ESR2: variants seen among roughly 807,000 people sequenced by gnomAD.
ESR2 encodes estrogen receptor 2.
A neutral mutation model predicts 49.6 loss-of-function variants in ESR2; 36 were observed. The ratio of observed to expected loss-of-function variants is 0.73; its 90% confidence interval spans 0.56 to 0.96. ESR2 has a LOEUF of 0.96. ESR2 is among the 40% of genes least tolerant of loss of function. The pLI is 0.00. For missense variants in ESR2, 714 were observed against 693.0 expected (o/e 1.03, Z -0.34); for synonymous variants, 320 against 266.1 (o/e 1.20, Z -1.97).
Position 64,249,673 on chromosome 14 carries a change from C to T in ESR2, c.1098G>A (p.Glu366=), listed in dbSNP as rs2075949388. The change falls in exon 7 of 9, where the codon GAG becomes GAA. Residue 366 remains glutamate (E), a synonymous_variant. Transcript: ENST00000341099. ...CCAGAATTCCTTCTACGCATTTCCCCTCATCCCTACAAAAGTTCGTTTGGA... is the reference window on the plus strand; with the variant it reads ...CCAGAATTCCTTCTACGCATTTCCCTTCATCCCTACAAAAGTTCGTTTGGA... The part of the protein sequence containing the change: ...FAPDLVLDRD[E]GKCVEGILEI... 6.2e-7 allele frequency: 1 copy of T among 1,610,334 alleles called. No individual in the cohort carries two copies. The highest frequency in any genetic ancestry group is 2.2e-5 in the East Asian group (1 of 44,772).
At chr14:64,234,873 C>T in intron 8 of ESR2, 97 bp downstream of exon 8, 1 of 1,540,022 alleles carries the variant, frequency 6.5e-7, no homozygotes, top group Non-Finnish European at 8.8e-7. Flanking sequence ...CATTCATTTT[C>T]CTTAACTTGC....
intron 1 of ESR2, among the ~76,000 whole-genome samples, chr14:64,288,986 CAAA>C (rs35178946): frequency 5.4e-4 from 30 of 55,662 alleles, no homozygotes; most frequent in African/African-American, 1.4e-3. Context: ...AACTCTGTCT[CAAA>C]AAAAAAAAAA....
intron 1 of ESR2, among the ~76,000 whole-genome samples, chr14:64,290,528 G>C (rs930024749): frequency 1.3e-5 from 2 of 151,938 alleles, no homozygotes; most frequent in African/African-American, 4.8e-5. Flanking sequence ...TCAGCCTCCT[G>C]AGTAGCTGGG....
downstream of ESR2, chr14:64,227,414 AAGTAT>A: frequency 8.4e-7 from 1 of 1,185,950 alleles, no homozygotes; most frequent in Non-Finnish European, 1.2e-6. Context: ...ACTAACTTCA[AAGTAT>A]TTTAACTCTT....
rs879653855 is a variant in ESR2, at chr14:64,253,622, A to G, written c.1091+3604T>C. ...TGTGTGTGTATGTATGTGTGTGTATATATATATATATATCTCTGCTCGCAG... is the reference window on the plus strand; with the variant it reads ...TGTGTGTGTATGTATGTGTGTGTATGTATATATATATATCTCTGCTCGCAG... On this transcript the variant is annotated intron_variant, in intron 6 of 8. Transcript: ENST00000341099. 5.2e-4 allele frequency among the ~76,000 whole-genome samples: 76 copies of G among 144,924 alleles called. 1 individual carries two copies. Among genetic ancestry groups the G allele is most frequent in the East Asian group, 4.0e-4 (2 of 4,978 alleles).
chr14:64,288,714 G>A (rs1298974571), intron 1 of ESR2, among the ~76,000 whole-genome samples: 2 of 150,594 alleles, frequency 1.3e-5, no homozygotes, highest in African/African-American at 2.4e-5. Flanking sequence ...ACCCGGGCGC[G>A]GGTGGCTCAT....
chr14:64,270,582 C>T (rs1343589434), intron 3 of ESR2, among the ~76,000 whole-genome samples: 1 of 152,022 alleles, frequency 6.6e-6, no homozygotes, highest in Non-Finnish European at 1.5e-5. Flanking sequence ...ACGATCTCGA[C>T]TCACTGCAAC....
chr14:64,278,527 C>T (rs529293910), intron 3 of ESR2, among the ~76,000 whole-genome samples: 2 of 152,146 alleles, frequency 1.3e-5, no homozygotes, highest in Non-Finnish European at 2.9e-5. Context: ...ATTCTCTCAA[C>T]GTTGCTTTTC....
At chr14:64,238,169 G>A (rs563608300) in intron 7 of ESR2, among the ~76,000 whole-genome samples, 150 of 152,316 alleles carry the variant, frequency 9.8e-4, no homozygotes, top group Middle Eastern at 3.4e-3. Context: ...GAACACGTAT[G>A]TGTCATTGTG....
intron 1 of ESR2, among the ~76,000 whole-genome samples, chr14:64,327,566 G>A (rs1322455181): frequency 6.6e-6 from 1 of 151,920 alleles, no homozygotes; most frequent in Non-Finnish European, 1.5e-5. Flanking sequence ...TGTGGTGACG[G>A]GCTCCTGTAA....
rs374264697 is a variant in ESR2 at position 64,261,232 on chromosome 14, C to CTTTTTTTTTTTTT, written c.653-485_653-484insAAAAAAAAAAAAA. 7.5e-3 allele frequency among the ~76,000 whole-genome samples: 664 copies of CTTTTTTTTTTTTT among 88,600 alleles called. 40 individuals are homozygous for CTTTTTTTTTTTTT. The highest frequency in any genetic ancestry group is 0.011 in the African/African-American group (234 of 21,402). The allele number at this position is 88,600 out of a possible 152,430, so 58.1% of individuals were successfully genotyped here. Reference sequence around the variant, plus strand: ...CAGTCTTTTTAATGCTTTTATTTTTCTTTTTTCTTTTTTTTTTTTTTTTGA... The same window carrying CTTTTTTTTTTTTT: ...CAGTCTTTTTAATGCTTTTATTTTTCTTTTTTTTTTTTTTTTTTTCTTTTTTTTTTTTTTTTGA... On this transcript the variant is annotated intron_variant, in intron 4 of 8. Coordinates refer to ENST00000341099, the MANE Select transcript of ESR2 (RefSeq NM_001437.3).
intron 2 of ESR2, among the ~76,000 whole-genome samples, chr14:64,280,764 C>T (rs1034325376): frequency 1.3e-5 from 2 of 152,218 alleles, no homozygotes; most frequent in Admixed American, 6.5e-5. Flanking sequence ...AATCCTAGCA[C>T]ATTGGGGAGC....
chr14:64,270,926 G>T (rs2076433459), intron 3 of ESR2, among the ~76,000 whole-genome samples: 1 of 152,172 alleles, frequency 6.6e-6, no homozygotes, highest in Non-Finnish European at 1.5e-5. Flanking sequence ...CATGTTTGTT[G>T]CAGCATTGTC....
Position 64,257,206 on chromosome 14 carries a change from C to T in ESR2, c.1091+20G>A. On this transcript the variant is annotated intron_variant, in intron 6 of 8. Transcript: ENST00000341099. Reference sequence around the variant, plus strand: ...TTACTCAAACAAGTCAGAGAAGAAACACAATGTATTTTTTCTCACCTGTCC... The same window carrying T: ...TTACTCAAACAAGTCAGAGAAGAAATACAATGTATTTTTTCTCACCTGTCC... 1 of 1,612,028 alleles carries T rather than the reference C, an allele frequency of 6.2e-7. No individual in the cohort carries two copies. The highest frequency in any genetic ancestry group is 8.5e-7 in the Non-Finnish European group (1 of 1,178,170).
intron 2 of ESR2, among the ~76,000 whole-genome samples, chr14:64,281,228 A>T (rs1216416593): frequency 1.3e-5 from 2 of 152,184 alleles, no homozygotes; most frequent in Non-Finnish European, 2.9e-5. Flanking sequence ...TCATAAAGGA[A>T]CGAAAAGTCT....
At chr14:64,264,739 T>C (rs1349367551) in intron 4 of ESR2, among the ~76,000 whole-genome samples, 1 of 151,784 alleles carries the variant, frequency 6.6e-6, no homozygotes, top group African/African-American at 2.4e-5. Flanking sequence ...GGCATGGTGG[T>C]GCACACACCT....
intron 6 of ESR2, among the ~76,000 whole-genome samples, chr14:64,251,516 C>T (rs1191904839): frequency 6.6e-6 from 1 of 152,064 alleles, no homozygotes; most frequent in Non-Finnish European, 1.5e-5. Flanking sequence ...GCCTTAGTTC[C>T]TCAATATTGA....
chr14:64,244,037 G>C (rs116504095), intron 7 of ESR2, among the ~76,000 whole-genome samples: 1 of 152,184 alleles, frequency 6.6e-6, no homozygotes, highest in Admixed American at 6.5e-5. Flanking sequence ...GGGATACCCA[G>C]ATAGCAGATA....
chr14:64,313,755 T>G (rs568852065), intron 1 of ESR2, among the ~76,000 whole-genome samples: 1 of 150,878 alleles, frequency 6.6e-6, no homozygotes, highest in African/African-American at 2.4e-5. Context: ...GGCGGGTGCC[T>G]GTAGTCCCAG....
Sources: allele counts gnomAD v4.1 joint callset (sites outside exome capture counted in the v4.1 genomes callset), GRCh38; gene constraint gnomAD v4.1.1; transcripts MANE v1.5; gene names NCBI Gene and HGNC (gene_info 2026-07-23, HGNC 2026-07-21).